The following GPC5 variants were observed in gnomAD, a reference collection of about 807,000 sequenced individuals.
GPC5 encodes the protein glypican-5.
Under a neutral mutation model 53.9 loss-of-function variants are expected in GPC5, and 47 were observed. The ratio of observed to expected loss-of-function variants is 0.87; its 90% confidence interval spans 0.69 to 1.11. The LOEUF (loss-of-function observed/expected upper bound fraction) is 1.11. Ranked by LOEUF, GPC5 falls within the 50% of genes most tolerant of loss-of-function variation. The pLI, the probability that GPC5 is intolerant of heterozygous loss-of-function variation, is 0.00. For missense variants in GPC5, 748 were observed against 713.1 expected, an observed-to-expected ratio of 1.05 and a Z score of -0.56; for synonymous variants, 286 against 263.3, an observed-to-expected ratio of 1.09 and a Z score of -0.84.
At chr13:92,283,961 T>G (rs1041979131) in intron 7 of GPC5, among the ~76,000 whole-genome samples, 3 of 152,174 alleles carry the variant, frequency 2.0e-5, no homozygotes, top group African/African-American at 7.2e-5. Context: ...GATCTGGTTT[T>G]TTGAAAAGAT....
chr13:92,166,921 GTCTCTCTCTC>G (rs35310453), intron 7 of GPC5, among the ~76,000 whole-genome samples: 14,025 of 127,532 alleles, frequency 0.11, 798 homozygotes, highest in Admixed American at 0.15. Context: ...ATAAGTCTCA[GTCTCTCTCTC>G]TCTCTCTCTC....
At chr13:92,580,421 A>G (rs1177001376) in intron 7 of GPC5, among the ~76,000 whole-genome samples, 1 of 152,230 alleles carries the variant, frequency 6.6e-6, no homozygotes, top group Non-Finnish European at 1.5e-5. Flanking sequence ...AATTATGTAT[A>G]GTATACATAT....
chr13:91,708,028 A>G (rs2036144455), intron 3 of GPC5, among the ~76,000 whole-genome samples: 1 of 152,214 alleles, frequency 6.6e-6, no homozygotes, highest in African/African-American at 2.4e-5. Context: ...CTTGATAAAT[A>G]AACTTAGGCA....
intron 7 of GPC5, among the ~76,000 whole-genome samples, chr13:92,527,174 G>GAA (rs1566276789): frequency 1.9e-5 from 1 of 52,340 alleles, no homozygotes; most frequent in Non-Finnish European, 4.4e-5. Flanking sequence ...GAAAGAAAGA[G>GAA]AAAGAAAGAA....
chr13:91,899,970 T>A (rs2039481262), intron 5 of GPC5, among the ~76,000 whole-genome samples: 1 of 152,162 alleles, frequency 6.6e-6, no homozygotes, highest in Non-Finnish European at 1.5e-5. Context: ...ACATTCTAAT[T>A]CAGAAGTTCT....
At chr13:92,599,389 G>A (rs1195033273) in intron 7 of GPC5, among the ~76,000 whole-genome samples, 1 of 152,178 alleles carries the variant, frequency 6.6e-6, no homozygotes, top group African/African-American at 2.4e-5. Flanking sequence ...AGATGGAAGA[G>A]CGGGGAGGGA....
In GPC5 at chr13:91,482,475, G is replaced by A. The variant is rs906875594; in HGVS notation, c.325+33553G>A. Among the ~76,000 whole-genome samples, 8 of 152,254 alleles carry A rather than the reference G, an allele frequency of 5.3e-5. No homozygotes were observed. In the South Asian group the frequency reaches 6.2e-4, roughly 12 times the overall value. ...TAAGATAGAGGAGACAGCCCACCTCGTCAGCTATGCTTCTCATAGTGTAAT... is the reference window on the plus strand; with the variant it reads ...TAAGATAGAGGAGACAGCCCACCTCATCAGCTATGCTTCTCATAGTGTAAT... On this transcript the variant is annotated intron_variant, in intron 2 of 7. Transcript: ENST00000377067.
intron 7 of GPC5, among the ~76,000 whole-genome samples, chr13:92,299,413 C>A (rs1052947750): frequency 3.3e-5 from 5 of 152,138 alleles, no homozygotes; most frequent in African/African-American, 1.2e-4. Context: ...GTTATCCAGA[C>A]CTCCAAAAGA....
intron 5 of GPC5, among the ~76,000 whole-genome samples, chr13:91,842,388 A>G (rs1220531962): frequency 6.7e-6 from 1 of 149,130 alleles, no homozygotes; most frequent in Non-Finnish European, 1.5e-5. Flanking sequence ...AAGGAAACTC[A>G]CAGGGCAAAC....
At position 92,581,668 on chromosome 13, in the gene GPC5, C is replaced by G. The variant is rs558223214; in HGVS notation, c.1562-284614C>G. Among the ~76,000 whole-genome samples the G allele has an allele frequency of 2.0e-5, 3 of 152,238 alleles. No homozygotes were observed. In the East Asian group the frequency reaches 5.8e-4, roughly 29 times the overall value. The stretch of plus-strand genomic sequence containing the variant: ...TGTTTTCCATAATGATTGTACCACT[C>G]TACATTCCAACAAACAGTTAAAAAG... On this transcript the variant is annotated intron_variant, in intron 7 of 7. Coordinates refer to ENST00000377067, the MANE Select transcript of GPC5 (RefSeq NM_004466.6).
intron 6 of GPC5, among the ~76,000 whole-genome samples, chr13:91,968,566 A>G (rs894838447): frequency 5.9e-5 from 9 of 151,924 alleles, no homozygotes; most frequent in African/African-American, 1.9e-4. Flanking sequence ...GGTTCAAGCG[A>G]TTCTTCTGCC....
At chr13:91,985,051 C>T (rs1008551192) in intron 6 of GPC5, among the ~76,000 whole-genome samples, 4 of 152,096 alleles carry the variant, frequency 2.6e-5, no homozygotes, top group East Asian at 1.9e-4. Flanking sequence ...AGAAAGTTAT[C>T]GTAAATTATT....
At chr13:92,515,433 G>A (rs1174696201) in intron 7 of GPC5, among the ~76,000 whole-genome samples, 1 of 152,074 alleles carries the variant, frequency 6.6e-6, no homozygotes, top group Non-Finnish European at 1.5e-5. Flanking sequence ...TTTGTACAGG[G>A]TAAAACATGA....
intron 7 of GPC5, among the ~76,000 whole-genome samples, chr13:92,543,728 A>AT (rs1336883165): frequency 6.6e-6 from 1 of 151,958 alleles, no homozygotes; most frequent in Non-Finnish European, 1.5e-5. Context: ...TTTATTTTCT[A>AT]TTTTTTTAAT....
chr13:92,328,497 A>G (rs1566541028), intron 7 of GPC5, among the ~76,000 whole-genome samples: 2 of 152,188 alleles, frequency 1.3e-5, no homozygotes, highest in African/African-American at 4.8e-5. Flanking sequence ...ACGTAGAGGA[A>G]TAAGAGTGAA....
intron 7 of GPC5, among the ~76,000 whole-genome samples, chr13:92,182,997 G>A (rs1303384575): frequency 6.6e-6 from 1 of 152,122 alleles, no homozygotes; most frequent in Non-Finnish European, 1.5e-5. Flanking sequence ...GGTTCATAAC[G>A]TGGCTCTAAT....
intron 7 of GPC5, among the ~76,000 whole-genome samples, chr13:92,285,795 A>G (rs2042949981): frequency 6.6e-6 from 1 of 152,218 alleles, no homozygotes; most frequent in Non-Finnish European, 1.5e-5. Context: ...ACCCTAGAAG[A>G]AAACCTAGGC....
intron 1 of GPC5, among the ~76,000 whole-genome samples, chr13:91,431,161 G>C (rs1343367024): frequency 6.6e-6 from 1 of 152,172 alleles, no homozygotes; most frequent in Non-Finnish European, 1.5e-5. Flanking sequence ...TTACAGGTAT[G>C]AGCCACTGTG....
chr13:92,376,260 T>G (rs1247253011), intron 7 of GPC5, among the ~76,000 whole-genome samples: 1 of 152,170 alleles, frequency 6.6e-6, no homozygotes, highest in African/African-American at 2.4e-5. Flanking sequence ...GATTTATTCT[T>G]TGAGGATTTA....
Sources: gnomAD v4.1 joint callset for allele counts (sites outside exome capture counted in the v4.1 genomes callset) on GRCh38, gnomAD v4.1.1 for gene constraint, MANE v1.5 for transcripts, NCBI Gene and HGNC (gene_info 2026-07-23, HGNC 2026-07-21) for gene names.